FAM161A: variants seen among roughly 807,000 people sequenced by gnomAD.
FAM161A encodes FAM161 centrosomal protein A, also known as protein FAM161A.
Under a neutral mutation model 70.9 loss-of-function variants are expected in FAM161A, and 57 were observed. The observed-to-expected ratio is 0.80, with a 90% CI of 0.65 to 1.00. FAM161A has a LOEUF of 1.00. Ranked by LOEUF, FAM161A falls within the 50% of genes least tolerant of loss-of-function variation. FAM161A has a pLI of 0.00. For synonymous variants in FAM161A, 299 were observed against 295.7 expected, an observed-to-expected ratio of 1.01 and a Z score of -0.12; for missense variants, 880 against 836.0, an observed-to-expected ratio of 1.05 and a Z score of -0.65.
Position 61,839,859 on chromosome 2 carries a change from A to G in FAM161A, c.1145T>C (p.Leu382Pro). 1 of 1,614,200 alleles carries G rather than the reference A, an allele frequency of 6.2e-7. No homozygotes were observed. The highest frequency in any genetic ancestry group is 8.5e-7 in the Non-Finnish European group (1 of 1,180,044). ...CTCCTGGGCTCTCAGCTGTGTCCTAAGGTTTCGATAGAGCTCTTCTTCTTT... is the reference window on the plus strand; with the variant it reads ...CTCCTGGGCTCTCAGCTGTGTCCTAGGGTTTCGATAGAGCTCTTCTTCTTT... ...KLKEEELYRN[L>P]RTQLRAQEHL... Residue 382 changes from leucine to proline, a missense_variant, in exon 3 of 7, where the codon CTT (leucine) becomes CCT (proline). Leu to Pro is a moderately conservative substitution (Grantham distance 98, BLOSUM62 -3). Coordinates refer to ENST00000404929, the MANE Select transcript of FAM161A (RefSeq NM_001201543.2).
At chr2:61,809,515 T>C in the FAM161A span, among the ~76,000 whole-genome samples, 2 of 152,172 alleles carry the variant, frequency 1.3e-5, no homozygotes, top group Non-Finnish European at 2.9e-5. Flanking sequence ...TTAGCATGTC[T>C]ATGGAAGAGC....
the FAM161A span, among the ~76,000 whole-genome samples, chr2:61,817,039 C>T: frequency 6.6e-6 from 1 of 152,180 alleles, no homozygotes; most frequent in Admixed American, 6.5e-5. Flanking sequence ...TTTATACTAA[C>T]TTTATCTAAA....
intron 1 of FAM161A, among the ~76,000 whole-genome samples, chr2:61,848,886 TTATATATATTTATATATA>T (rs1433919916): frequency 0.15 from 298 of 2,008 alleles, 113 homozygotes; most frequent in African/African-American, 0.24. Context: ...ATATATATAT[TTATATATATTTATATATA>T]TATTTATATA....
At chr2:61,818,376 C>T in the FAM161A span, among the ~76,000 whole-genome samples, 7 of 152,124 alleles carry the variant, frequency 4.6e-5, no homozygotes, top group Non-Finnish European at 8.8e-5. Context: ...TTCTGAAGAC[C>T]ATTTTCCATT....
At chr2:61,838,904 A>G (rs1342362332) in intron 3 of FAM161A, among the ~76,000 whole-genome samples, 199 bp from the exon 4 acceptor site, 1 of 90,688 alleles carries the variant, frequency 1.1e-5, no homozygotes, top group Non-Finnish European at 2.4e-5. Flanking sequence ...TTTTTTTGAG[A>G]TGGAGTCTCG....
At chr2:61,827,302 A>G in intron 5 of FAM161A, 44 bp from the exon 6 acceptor site, 1 of 1,600,298 alleles carries the variant, frequency 6.2e-7, no homozygotes, top group South Asian at 1.1e-5. Context: ...AGAAGACTTT[A>G]AATTTTCATC....
the FAM161A span, among the ~76,000 whole-genome samples, chr2:61,810,123 T>C: frequency 1.3e-5 from 2 of 152,188 alleles, no homozygotes; most frequent in African/African-American, 2.4e-5. Context: ...GCAAAAATAA[T>C]GGCCATTGTA....
chr2:61,831,570 G>A (rs1041310403), intron 5 of FAM161A, among the ~76,000 whole-genome samples: 1 of 152,100 alleles, frequency 6.6e-6, no homozygotes, highest in African/African-American at 2.4e-5. Flanking sequence ...GTTGAGAAGG[G>A]GGCAGGAAAA....
At position 61,848,884 on chromosome 2, in the gene FAM161A, ATT is replaced by A. The variant is rs1167185013; in HGVS notation, c.183+4973_183+4974del. Among the ~76,000 whole-genome samples, 6 of 5,324 alleles carry A rather than the reference ATT, an allele frequency of 1.1e-3. 1 individual carries two copies. The highest frequency in any genetic ancestry group is 1.8e-3 in the Non-Finnish European group (6 of 3,346). 3.5% of individuals were successfully genotyped at this position (5,324 alleles called of 152,430 possible). On this transcript the variant is annotated intron_variant, in intron 1 of 6. Coordinates refer to ENST00000404929, the MANE Select transcript of FAM161A (RefSeq NM_001201543.2). ...TATTTATATATATATTTATATATAT[ATT>A]TATATATATTTATATATATATTTAT... is the stretch of plus-strand genomic sequence containing the variant.
At chr2:61,847,225 C>T (rs1218635729) in intron 1 of FAM161A, among the ~76,000 whole-genome samples, 1 of 152,016 alleles carries the variant, frequency 6.6e-6, no homozygotes, top group Non-Finnish European at 1.5e-5. Flanking sequence ...GTTCCCTCTC[C>T]CTAGGATGCC....
intron 5 of FAM161A, among the ~76,000 whole-genome samples, chr2:61,831,178 T>C (rs1161113006): frequency 6.6e-6 from 1 of 152,048 alleles, no homozygotes; most frequent in Non-Finnish European, 1.5e-5. Context: ...GCTGCATATG[T>C]GTTCAATATT....
chr2:61,848,241 G>A (rs142389945), intron 1 of FAM161A, among the ~76,000 whole-genome samples: 29 of 152,122 alleles, frequency 1.9e-4, no homozygotes, highest in Admixed American at 1.9e-3. Flanking sequence ...AGATGCGGCA[G>A]GTCTGATAAA....
At chr2:61,807,886 C>CA in the FAM161A span, among the ~76,000 whole-genome samples, 1 of 152,166 alleles carries the variant, frequency 6.6e-6, no homozygotes, top group African/African-American at 2.4e-5. Flanking sequence ...AATAAACCTC[C>CA]TGCCTTGGCC....
At chr2:61,845,113 C>G (rs546096780) in intron 1 of FAM161A, among the ~76,000 whole-genome samples, 134 of 152,270 alleles carry the variant, frequency 8.8e-4, no homozygotes, top group Non-Finnish European at 1.2e-3. Context: ...CAGGTGCAGC[C>G]TTGGTTATGG....
intron 1 of FAM161A, among the ~76,000 whole-genome samples, chr2:61,848,727 A>G (rs184486522): frequency 2.9e-4 from 42 of 144,022 alleles, no homozygotes; most frequent in African/African-American, 1.1e-3. Flanking sequence ...AGAGAGATCT[A>G]CATGTACTAA....
At chr2:61,804,195 G>A in the FAM161A span, among the ~76,000 whole-genome samples, 1 of 152,114 alleles carries the variant, frequency 6.6e-6, no homozygotes, top group Non-Finnish European at 1.5e-5. Flanking sequence ...CAGTGAGGAC[G>A]GCCAGAGGTT....
chr2:61,805,113 A>C, the FAM161A span, among the ~76,000 whole-genome samples: 1 of 152,130 alleles, frequency 6.6e-6, no homozygotes, highest in Admixed American at 6.6e-5. Context: ...TTCCATCTTA[A>C]CCAATTGCAA....
intron 2 of FAM161A, 128 bp downstream of exon 2, chr2:61,841,994 T>A: frequency 1.4e-6 from 1 of 707,696 alleles, no homozygotes. Flanking sequence ...AATAAAATCC[T>A]ACCTCTGTAT....
the FAM161A span, among the ~76,000 whole-genome samples, chr2:61,818,718 T>C: frequency 6.6e-6 from 1 of 152,076 alleles, no homozygotes; most frequent in Non-Finnish European, 1.5e-5. Context: ...GAACACATAA[T>C]AGAATTAGAA....
Sources: gnomAD v4.1 joint callset for allele counts (sites outside exome capture counted in the v4.1 genomes callset) on GRCh38, gnomAD v4.1.1 for gene constraint, MANE v1.5 for transcripts, NCBI Gene and HGNC (gene_info 2026-07-23, HGNC 2026-07-21) for gene names.